Variants in EZH2 observed in about 807,000 individuals in gnomAD.
The protein encoded by EZH2 is histone-lysine N-methyltransferase EZH2.
Under a neutral mutation model 98.4 loss-of-function variants are expected in EZH2, and 18 were observed. The observed-to-expected ratio is 0.18, with a 90% CI of 0.13 to 0.27. The LOEUF is 0.27. EZH2 is among the 10% of genes least tolerant of loss of function. EZH2 has a pLI of 1.00. For missense variants in EZH2, 470 were observed against 935.1 expected (o/e 0.50, Z 6.49); for synonymous variants, 338 against 312.3 (o/e 1.08, Z -0.87).
chr7:148,857,709 C>A (rs1185535594), intron 1 of EZH2, among the ~76,000 whole-genome samples: 1 of 151,988 alleles, frequency 6.6e-6, no homozygotes, highest in Non-Finnish European at 1.5e-5. Flanking sequence ...AGAGATCGCA[C>A]CTCTGCATTC....
chr7:148,868,085 C>G (rs764040631), intron 1 of EZH2, among the ~76,000 whole-genome samples: 2 of 152,188 alleles, frequency 1.3e-5, no homozygotes, highest in Non-Finnish European at 2.9e-5. Context: ...TCCAAACATT[C>G]CCTTATCTTC....
intron 1 of EZH2, among the ~76,000 whole-genome samples, chr7:148,859,026 AG>A (rs1267938764): frequency 2.6e-5 from 4 of 152,270 alleles, no homozygotes; most frequent in African/African-American, 9.6e-5. Flanking sequence ...CACACAACTC[AG>A]AAAAGAGTAT....
At chr7:148,819,732 C>T in intron 8 of EZH2, 45 bp from the exon 9 acceptor site, 1 of 1,536,802 alleles carries the variant, frequency 6.5e-7, no homozygotes, top group Non-Finnish European at 9.0e-7. Flanking sequence ...CTATAAAATA[C>T]TTACTTTTTC....
intron 1 of EZH2, among the ~76,000 whole-genome samples, chr7:148,875,489 T>C (rs910427501): frequency 6.6e-6 from 1 of 152,104 alleles, no homozygotes; most frequent in East Asian, 1.9e-4. Flanking sequence ...AAATGGCCAA[T>C]AAGCATATGA....
At chr7:148,866,556 A>ATATATATACGTATATACATATATATATG (rs1563063346) in intron 1 of EZH2, among the ~76,000 whole-genome samples, 2 of 125,648 alleles carry the variant, frequency 1.6e-5, no homozygotes, top group African/African-American at 5.8e-5. Flanking sequence ...ATATATATAC[A>ATATATATACGTATATACATATATATATG]TATATACATA....
At chr7:148,816,657 C>T (rs1337430568) in intron 12 of EZH2, 27 bp downstream of exon 12, 9 of 1,570,524 alleles carry the variant, frequency 5.7e-6, no homozygotes, top group Non-Finnish European at 7.0e-6. Flanking sequence ...ATGTTGACTT[C>T]TCTAAGGAGC....
intron 8 of EZH2, among the ~76,000 whole-genome samples, chr7:148,824,188 G>A (rs547037676): frequency 5.9e-5 from 9 of 152,126 alleles, no homozygotes; most frequent in East Asian, 5.8e-4. Flanking sequence ...GGTGGCGGGC[G>A]CCTGTAATCC....
At chr7:148,844,274 A>G (rs1382878550) in intron 3 of EZH2, among the ~76,000 whole-genome samples, 2 of 152,220 alleles carry the variant, frequency 1.3e-5, no homozygotes, top group Non-Finnish European at 2.9e-5. Flanking sequence ...TCTCATCTGA[A>G]AAGTCAGGAG....
At chr7:148,829,946 C>T (rs1271257670) in intron 4 of EZH2, 98 bp from the exon 5 acceptor site, 2 of 833,070 alleles carry the variant, frequency 2.4e-6, no homozygotes, top group Admixed American at 3.6e-5. Flanking sequence ...CATGTCTTTA[C>T]CCAGTTCTCC....
chr7:148,813,084 C>CAG (rs1373767548), intron 15 of EZH2, among the ~76,000 whole-genome samples: 1 of 150,626 alleles, frequency 6.6e-6, no homozygotes, highest in African/African-American at 2.4e-5. Context: ...CACACACACA[C>CAG]AGAGCATAAG....
At chr7:148,879,769 G>A (rs1820706373) in intron 1 of EZH2, among the ~76,000 whole-genome samples, 1 of 152,072 alleles carries the variant, frequency 6.6e-6, no homozygotes, top group Non-Finnish European at 1.5e-5. Flanking sequence ...CTACTCAGGA[G>A]GCTGAGGCAC....
At chr7:148,855,724 C>T (rs1816706655) in intron 1 of EZH2, among the ~76,000 whole-genome samples, 1 of 151,616 alleles carries the variant, frequency 6.6e-6, no homozygotes, top group Non-Finnish European at 1.5e-5. Context: ...ATGGTGAAAC[C>T]CCGTCTCTAC....
intron 1 of EZH2, among the ~76,000 whole-genome samples, chr7:148,872,893 C>T (rs947984967): frequency 6.6e-6 from 1 of 151,724 alleles, no homozygotes; most frequent in Non-Finnish European, 1.5e-5. Context: ...ATGAATTTAG[C>T]CCATATAAAT....
chr7:148,816,267 G>A (rs1219228650), intron 12 of EZH2, among the ~76,000 whole-genome samples: 1 of 152,170 alleles, frequency 6.6e-6, no homozygotes, highest in African/African-American at 2.4e-5. Flanking sequence ...CCCATTAGGA[G>A]TATCGGAATG....
rs181956125 is a variant in EZH2, at chr7:148,871,490, C to T, written c.-8+12674G>A. The stretch of plus-strand genomic sequence containing the variant: ...ACATCCAAATTCACTCATACTCAAA[C>T]CCCCAAATCTGACCTATGGAACCTG... On this transcript the variant is annotated intron_variant, in intron 1 of 19. Transcript: ENST00000320356. Among the ~76,000 whole-genome samples, 60 of 150,566 alleles carry T rather than the reference C, an allele frequency of 4.0e-4. No individual in the cohort carries two copies. The East Asian group carries it at 9.3e-3, about 23-fold the overall frequency.
chr7:148,811,279 T>C (rs901544056), intron 16 of EZH2, among the ~76,000 whole-genome samples: 5 of 152,222 alleles, frequency 3.3e-5, no homozygotes, highest in South Asian at 2.1e-4. Context: ...AGCTCCCAAG[T>C]AGCTGGGACT....
intron 4 of EZH2, among the ~76,000 whole-genome samples, chr7:148,830,915 T>A (rs1395084510): frequency 2.6e-5 from 4 of 152,194 alleles, no homozygotes; most frequent in Admixed American, 1.3e-4. Flanking sequence ...TGAAGACAAG[T>A]CTAAGTCTTA....
chr7:148,827,080 T>TAC, intron 7 of EZH2, 84 bp downstream of exon 7: 1 of 1,013,562 alleles, frequency 9.9e-7, no homozygotes, highest in Non-Finnish European at 1.5e-6. Context: ...GCTCATCCGC[T>TAC]ACATTGATTC....
chr7:148,818,067 G>C lies in EZH2; in HGVS notation c.1050C>G (p.Thr350=), dbSNP rs1478611049. The change falls in exon 10 of 20, where the codon ACC becomes ACG. Residue 350 remains threonine (T), a synonymous_variant. Coordinates refer to ENST00000320356, the MANE Select transcript of EZH2 (RefSeq NM_004456.5). ...AAALTAERIK[T]PPKRPGGRRR... is the part of the protein sequence containing the mutation. ...TGCGGCCTCCTGGACGTTTTGGTGG[G>C]GTCTTTATCCGCTCAGCGGTGAGAG... The C allele has an allele frequency of 1.2e-6, 2 of 1,613,272 alleles. No homozygotes were observed. Among genetic ancestry groups the C allele is most frequent in the Non-Finnish European group, 1.7e-6 (2 of 1,179,784 alleles).
Sources: allele counts gnomAD v4.1 joint callset (sites outside exome capture counted in the v4.1 genomes callset), GRCh38; gene constraint gnomAD v4.1.1; transcripts MANE v1.5; gene names NCBI Gene and HGNC (gene_info 2026-07-23, HGNC 2026-07-21).